The following MKS1 variants were observed in gnomAD, a reference collection of about 807,000 sequenced individuals.
MKS1 encodes tectonic-like complex member MKS1.
MKS1 carries 70 observed loss-of-function variants against 83.7 expected under a neutral mutation model. That is an observed-to-expected ratio of 0.84 (90% confidence interval 0.69 to 1.02). The LOEUF (loss-of-function observed/expected upper bound fraction) is 1.02. MKS1 is among the 50% of genes least tolerant of loss of function. The probability of loss-of-function intolerance (pLI) is 0.00; values close to 1 mark genes in which losing one functional copy is unlikely to be tolerated. For synonymous variants in MKS1, 251 were observed against 273.4 expected, an observed-to-expected ratio of 0.92 and a Z score of 0.81; for missense variants, 681 against 726.9, an observed-to-expected ratio of 0.94 and a Z score of 0.73.
chr17:58,218,362 C>G (rs951254449), intron 2 of MKS1, among the ~76,000 whole-genome samples: 10 of 142,582 alleles, frequency 7.0e-5, no homozygotes, highest in Middle Eastern at 4.1e-3. Flanking sequence ...GCAGGAGAAT[C>G]GCGTGAACCC....
rs1205085056 is a variant in MKS1, at chr17:58,209,984, G to A, written c.1024+675C>T. Among the ~76,000 whole-genome samples, 1 of 152,198 alleles carries A rather than the reference G, an allele frequency of 6.6e-6. No homozygotes were observed. Among genetic ancestry groups the A allele is most frequent in the African/African-American group, 2.4e-5 (1 of 41,456 alleles). On this transcript the variant is annotated intron_variant, in intron 11 of 17. Transcript: ENST00000393119. The surrounding 1 kb of genome is among the most constrained non-coding windows in gnomAD (Gnocchi z 4.1). ...GAAGACAGAACGGACAGGAACTGTTGACAGATTGGCTGGCTATAGGGAGCT... is the reference window on the plus strand; with the variant it reads ...GAAGACAGAACGGACAGGAACTGTTAACAGATTGGCTGGCTATAGGGAGCT...
intron 2 of MKS1, among the ~76,000 whole-genome samples, chr17:58,217,350 T>G (rs1969280799): frequency 6.6e-6 from 1 of 152,236 alleles, no homozygotes; most frequent in South Asian, 2.1e-4. Context: ...ATAAGCTGAA[T>G]AGCCAGCCCT....
At chr17:58,215,935 A>C (rs1021532341) in intron 4 of MKS1, 153 bp downstream of exon 4, 3 of 932,438 alleles carry the variant, frequency 3.2e-6, no homozygotes, top group Non-Finnish European at 5.2e-6. Context: ...ATTCTATTCC[A>C]GGCTGGCTGC....
At chr17:58,212,942 AG>A (rs1968958095) in intron 8 of MKS1, 39 bp downstream of exon 8, 2 of 1,591,480 alleles carry the variant, frequency 1.3e-6, no homozygotes, top group Non-Finnish European at 1.7e-6. Flanking sequence ...CCAGGCACTG[AG>A]GCTCATCCCT....
chr17:58,219,239 C>G lies in MKS1; in HGVS notation c.-9G>C. 6.5e-7 allele frequency: 1 copy of G among 1,550,002 alleles called. No individual in the cohort carries two copies. Among genetic ancestry groups the G allele is most frequent in the Non-Finnish European group, 8.7e-7 (1 of 1,146,816 alleles). ...CAGACGGTCTCCGCCATGACAGCTGCGACGCGCCGCGACTGCGCCGGAAAG... is the reference window on the plus strand; with the variant it reads ...CAGACGGTCTCCGCCATGACAGCTGGGACGCGCCGCGACTGCGCCGGAAAG... On this transcript the variant is annotated 5_prime_UTR_variant, in exon 1 of 18. Coordinates refer to ENST00000393119, the MANE Select transcript of MKS1 (RefSeq NM_017777.4).
intron 10 of MKS1, 54 bp from the exon 11 acceptor site, chr17:58,210,778 C>T: frequency 1.9e-6 from 3 of 1,570,106 alleles, no homozygotes; most frequent in South Asian, 2.2e-5. Flanking sequence ...ACCCTTAGCA[C>T]CCAACCCAAT....
At chr17:58,207,573 C>G (rs758543840) in intron 14 of MKS1, 52 of 539,798 alleles carry the variant, frequency 9.6e-5, no homozygotes, top group Non-Finnish European at 1.5e-4. Context: ...CAGTAAAAGA[C>G]AGATGCTTTT....
chr17:58,214,121 T>C, intron 6 of MKS1, 138 bp downstream of exon 6: 1 of 1,321,002 alleles, frequency 7.6e-7, no homozygotes, highest in Non-Finnish European at 1.1e-6. Flanking sequence ...AGTGAGAAGC[T>C]TCACTCATAA....
In MKS1 at chr17:58,213,069, C is replaced by A; in HGVS notation, c.771G>T (p.Lys257Asn). 1 of 1,614,190 alleles carries A rather than the reference C, an allele frequency of 6.2e-7. No individual in the cohort carries two copies. Among genetic ancestry groups the A allele is most frequent in the South Asian group, 1.1e-5 (1 of 91,088 alleles). ...CGATCGTATATTTCCACAGCTCCTG[C>A]TTCTCCCCCTCCGTCTCAATCCTGT... ...GPYRIETEGEKQELWKYTIDN... is the reference protein window; with the variant it reads ...GPYRIETEGENQELWKYTIDN... The change falls in exon 8 of 18, where the codon AAG (lysine) becomes AAT (asparagine). Residue 257 changes from lysine (K) to asparagine (N), a missense_variant. Physicochemically the swap from Lys to Asn is moderately conservative, Grantham distance 94. Coordinates refer to ENST00000393119, the MANE Select transcript of MKS1 (RefSeq NM_017777.4).
In MKS1 at chr17:58,209,417, A is replaced by C. The variant is rs963166273; in HGVS notation, c.1025-834T>G. On this transcript the variant is annotated intron_variant, in intron 11 of 17. Coordinates refer to ENST00000393119, the MANE Select transcript of MKS1 (RefSeq NM_017777.4). This position sits in a 1 kb window ranked among gnomAD's most constrained non-coding sequence, Gnocchi z 4.1. Reference sequence around the variant, plus strand: ...GGGGGAAGCAGGGAGACAGACAAAAACCAAACCAACAAGAGACTATTGGGT... The same window carrying C: ...GGGGGAAGCAGGGAGACAGACAAAACCCAAACCAACAAGAGACTATTGGGT... Among the ~76,000 whole-genome samples, 1 of 152,116 alleles carries C rather than the reference A, an allele frequency of 6.6e-6. No individual in the cohort carries two copies. The highest frequency in any genetic ancestry group is 1.5e-5 in the Non-Finnish European group (1 of 68,012).
intron 6 of MKS1, 85 bp downstream of exon 6, chr17:58,214,174 C>G: frequency 2.5e-6 from 4 of 1,595,886 alleles, no homozygotes; most frequent in Non-Finnish European, 3.4e-6. Context: ...CCCCTATAAC[C>G]TAGGATGATA....
intron 7 of MKS1, 63 bp downstream of exon 7, chr17:58,213,702 G>T: frequency 1.6e-6 from 2 of 1,268,314 alleles, no homozygotes; most frequent in Non-Finnish European, 1.2e-6. Context: ...GTTGACTAGG[G>T]ACAAAAAGTG....
intron 10 of MKS1, 60 bp from the exon 11 acceptor site, chr17:58,210,784 C>T: frequency 6.4e-7 from 1 of 1,558,408 alleles, no homozygotes; most frequent in Non-Finnish European, 8.8e-7. Flanking sequence ...AGCACCCAAC[C>T]CAATCCTGAG....
In MKS1 at chr17:58,207,218, C is replaced by G; in HGVS notation, c.1274G>C (p.Gly425Ala). 2 of 1,613,988 alleles carry G rather than the reference C, an allele frequency of 1.2e-6. No homozygotes were observed. Among genetic ancestry groups the G allele is most frequent in the Non-Finnish European group, 1.7e-6 (2 of 1,180,010 alleles). The change falls in exon 15 of 18, where the codon GGC (glycine) becomes GCC (alanine). Residue 425 changes from glycine (G) to alanine (A), a missense_variant and splice_region_variant. By Grantham distance (60) the Gly-to-Ala change is moderately conservative. Around this residue, in one of 3 missense-constraint regions of MKS1, gnomAD observed 310 missense variants for 321.7 expected, o/e 0.96. Coordinates refer to ENST00000393119, the MANE Select transcript of MKS1 (RefSeq NM_017777.4). ...YGAVVLPATP[G>A]SHTLTVSTWR... ...CGTGGAGACTGTCAGGGTGTGTGAG[C>G]CTGCGCAAGGGAAGAGAAGACTGGG...
chr17:58,205,980 A>G lies in MKS1; in HGVS notation c.*99T>C, dbSNP rs1968476386. 10 of 1,540,008 alleles carry G rather than the reference A, an allele frequency of 6.5e-6. No homozygotes were observed. In the Admixed American group the frequency reaches 2.0e-4, roughly 30 times the overall value. The stretch of plus-strand genomic sequence containing the variant: ...CAGCTTTTCTGGTTCTCAGCAGACC[A>G]ACGTGGTCTCTAATCAGAAAGACGA... On this transcript the variant is annotated 3_prime_UTR_variant, in exon 18 of 18. Coordinates refer to ENST00000393119, the MANE Select transcript of MKS1 (RefSeq NM_017777.4).
At chr17:58,212,114 C>G (rs1370938427) in intron 9 of MKS1, among the ~76,000 whole-genome samples, 5 of 151,796 alleles carry the variant, frequency 3.3e-5, no homozygotes, top group African/African-American at 1.2e-4. Context: ...TACCCTTCTA[C>G]CACATCTAAT....
In MKS1 at chr17:58,210,987, T is replaced by G. The variant is rs1968840202; in HGVS notation, c.951A>C (p.Gly317=). 1 of 1,613,788 alleles carries G rather than the reference T, an allele frequency of 6.2e-7. No homozygotes were observed. The highest frequency in any genetic ancestry group is 1.3e-5 in the African/African-American group (1 of 74,858). The change falls in exon 10 of 18, where the codon GGA becomes GGC. Residue 317 remains glycine (G), a synonymous_variant. Coordinates refer to ENST00000393119, the MANE Select transcript of MKS1 (RefSeq NM_017777.4). ...TGCTAGCAAGACACTTACCGACCTC[T>G]CCATTTACAAAGAGCCGGAGGGCAC... The part of the protein sequence containing the change: ...VPGALRLFVN[G]EVVSAQGYEY...
intron 1 of MKS1, 186 bp downstream of exon 1, chr17:58,218,965 G>T: frequency 1.1e-6 from 1 of 933,154 alleles, no homozygotes; most frequent in Non-Finnish European, 1.6e-6. Context: ...ATGGACTTGG[G>T]TAGGTCTGTA....
chr17:58,207,939 A>G lies in MKS1; in HGVS notation c.1228T>C (p.Tyr410His). 1 of 1,614,100 alleles carries G rather than the reference A, an allele frequency of 6.2e-7. No individual in the cohort carries two copies. The highest frequency in any genetic ancestry group is 8.5e-7 in the Non-Finnish European group (1 of 1,180,014). Residue 410 changes from tyrosine (Y) to histidine (H), a missense_variant, in exon 14 of 18, where the codon TAC becomes CAC. This residue lies in a region of MKS1 where 310 missense variants were observed against 321.7 expected (regional missense o/e 0.96). Coordinates refer to ENST00000393119, the MANE Select transcript of MKS1 (RefSeq NM_017777.4). ...ACAGCCCCATAGCCTTCCACACGGTACCTCTGCCAGAAGTCCAGCGAGAGG... is the reference window on the plus strand; with the variant it reads ...ACAGCCCCATAGCCTTCCACACGGTGCCTCTGCCAGAAGTCCAGCGAGAGG... ...EVLSLDFWQR[Y>H]RVEGYGAVVL...
Sources: allele counts gnomAD v4.1 joint callset (sites outside exome capture counted in the v4.1 genomes callset), GRCh38; gene constraint gnomAD v4.1.1; regional missense constraint gnomAD v4.1.1; non-coding constraint Gnocchi (gnomAD v3.1); transcripts MANE v1.5; gene names NCBI Gene and HGNC (gene_info 2026-07-23, HGNC 2026-07-21).